UNC13C: variants seen among roughly 807,000 people sequenced by gnomAD.
UNC13C encodes the protein protein unc-13 homolog C.
Under a neutral mutation model 245.4 loss-of-function variants are expected in UNC13C, and 174 were observed. The ratio of observed to expected loss-of-function variants is 0.71; its 90% confidence interval spans 0.63 to 0.80. The LOEUF is 0.80. Among genes scored for constraint, UNC13C ranks in the 30% least tolerant of loss-of-function variants. The probability of loss-of-function intolerance (pLI) is 0.00; values close to 1 mark genes in which losing one functional copy is unlikely to be tolerated. For synonymous variants in UNC13C, 992 were observed against 895.1 expected, an observed-to-expected ratio of 1.11 and a Z score of -1.93; for missense variants, 2,829 against 2,602.9, an observed-to-expected ratio of 1.09 and a Z score of -1.89.
the UNC13C span, chr15:53,972,867 T>C: frequency 6.6e-6 from 1 of 152,216 alleles, no homozygotes; most frequent in Non-Finnish European, 1.5e-5. Context: ...CATACGTATT[T>C]AAGACATTCA....
chr15:54,579,113 G>A (rs1043926106), intron 30 of UNC13C, among the ~76,000 whole-genome samples: 2 of 152,068 alleles, frequency 1.3e-5, no homozygotes, highest in South Asian at 2.1e-4. Context: ...GATGTAGTTC[G>A]GCAGTAAAAT....
the UNC13C span, among the ~76,000 whole-genome samples, chr15:53,958,732 T>C: frequency 0.15 from 22,553 of 152,222 alleles, 2,590 homozygotes; most frequent in African/African-American, 0.32. Context: ...GATACCCTTA[T>C]GCTATGTATA....
chr15:54,224,542 G>A (rs549534180), intron 4 of UNC13C, among the ~76,000 whole-genome samples: 2 of 152,166 alleles, frequency 1.3e-5, no homozygotes, highest in Middle Eastern at 3.4e-3. Flanking sequence ...CTAGTATTTT[G>A]TTAAGGATAT....
intron 17 of UNC13C, among the ~76,000 whole-genome samples, chr15:54,388,178 T>C (rs578212708): frequency 3.3e-5 from 5 of 152,302 alleles, no homozygotes; most frequent in Admixed American, 1.3e-4. Flanking sequence ...ATCTGTTTCT[T>C]CACCTTCCCT....
intron 17 of UNC13C, among the ~76,000 whole-genome samples, chr15:54,342,547 C>A (rs1051622458): frequency 5.4e-5 from 8 of 148,878 alleles, no homozygotes; most frequent in Admixed American, 1.4e-4. Context: ...GGTGACACAG[C>A]AAGACCCTAT....
chr15:54,497,485 A>G lies in UNC13C; in HGVS notation c.5061-2594A>G, dbSNP rs28502057. On this transcript the variant is annotated intron_variant, in intron 20 of 32. Transcript: ENST00000260323. ...CCAGAGAAAAGGAAACCACAGAGATATGAGTCCAACATGCTACAGGCAGTT... is the reference window on the plus strand; with the variant it reads ...CCAGAGAAAAGGAAACCACAGAGATGTGAGTCCAACATGCTACAGGCAGTT... Among the ~76,000 whole-genome samples, 1,310 of 152,238 alleles carry G rather than the reference A, an allele frequency of 8.6e-3. 21 individuals carry two copies. The highest frequency in any genetic ancestry group is 0.03 in the African/African-American group (1,243 of 41,548).
At chr15:54,551,122 A>G (rs1896716832) in intron 28 of UNC13C, among the ~76,000 whole-genome samples, 1 of 152,126 alleles carries the variant, frequency 6.6e-6, no homozygotes, top group Non-Finnish European at 1.5e-5. Flanking sequence ...CTGCTTGATT[A>G]GGGATTCAAA....
chr15:54,371,549 A>G (rs2039487366), intron 17 of UNC13C, among the ~76,000 whole-genome samples: 1 of 152,194 alleles, frequency 6.6e-6, no homozygotes, highest in South Asian at 2.1e-4. Flanking sequence ...TATTGTGGTT[A>G]AGAAACTTTA....
At chr15:53,920,683 C>T in the UNC13C span, among the ~76,000 whole-genome samples, 5 of 151,946 alleles carry the variant, frequency 3.3e-5, no homozygotes, top group African/African-American at 4.8e-5. Context: ...GAGGAGGTTA[C>T]GAAGCATAGC....
At chr15:54,250,192 G>T in intron 7 of UNC13C, 33 bp from the exon 8 acceptor site, 1 of 1,580,736 alleles carries the variant, frequency 6.3e-7, no homozygotes. Flanking sequence ...CACTGACTTG[G>T]CGGTGCATTG....
chr15:54,537,195 A>G (rs1896022831), intron 26 of UNC13C, among the ~76,000 whole-genome samples: 1 of 152,112 alleles, frequency 6.6e-6, no homozygotes, highest in African/African-American at 2.4e-5. Context: ...ATCCAAACTG[A>G]GAGCCAAATC....
chr15:54,160,142 CAG>C (rs1283345475), intron 4 of UNC13C, among the ~76,000 whole-genome samples: 2 of 151,780 alleles, frequency 1.3e-5, no homozygotes, highest in Admixed American at 1.3e-4. Flanking sequence ...GCTACTCTGT[CAG>C]AATAAATAAT....
At chr15:54,396,804 T>A (rs1453812400) in intron 18 of UNC13C, among the ~76,000 whole-genome samples, 1 of 151,394 alleles carries the variant, frequency 6.6e-6, no homozygotes, top group Non-Finnish European at 1.5e-5. Context: ...ATCTGAATAT[T>A]TGAAATTCAT....
At chr15:53,955,163 C>T in the UNC13C span, among the ~76,000 whole-genome samples, 1 of 152,018 alleles carries the variant, frequency 6.6e-6, no homozygotes, top group East Asian at 1.9e-4. Flanking sequence ...ATAATATCTT[C>T]AATTATCTAT....
intron 19 of UNC13C, among the ~76,000 whole-genome samples, chr15:54,417,869 A>G (rs1359456076): frequency 6.6e-6 from 1 of 152,144 alleles, no homozygotes; most frequent in Admixed American, 6.6e-5. Context: ...ATTTTCATTT[A>G]TATTAGAGCC....
At chr15:54,416,886 T>C (rs776459906) in intron 19 of UNC13C, 1 of 456,522 alleles carries the variant, frequency 2.2e-6, no homozygotes, top group South Asian at 1.5e-5. Flanking sequence ...TTCGCTACAG[T>C]AAAAGTTTAT....
At chr15:53,982,906 T>G (rs927382030) in intron 1 of UNC13C, among the ~76,000 whole-genome samples, 1 of 152,164 alleles carries the variant, frequency 6.6e-6, no homozygotes, top group Non-Finnish European at 1.5e-5. Flanking sequence ...CAGAATTACT[T>G]GACTCTGACT....
intron 4 of UNC13C, among the ~76,000 whole-genome samples, chr15:54,159,820 T>C (rs2032901443): frequency 6.6e-6 from 1 of 152,192 alleles, no homozygotes; most frequent in Non-Finnish European, 1.5e-5. Flanking sequence ...TTCAAATACC[T>C]GCAGGATATT....
At chr15:54,405,968 A>G (rs2140936748) in intron 18 of UNC13C, among the ~76,000 whole-genome samples, 1 of 141,792 alleles carries the variant, frequency 7.1e-6, no homozygotes, top group Non-Finnish European at 1.5e-5. Flanking sequence ...AGTTTACAGT[A>G]AAGAGATGCT....
Sources: gnomAD v4.1 joint callset for allele counts (sites outside exome capture counted in the v4.1 genomes callset) on GRCh38, gnomAD v4.1.1 for gene constraint, MANE v1.5 for transcripts, NCBI Gene and HGNC (gene_info 2026-07-23, HGNC 2026-07-21) for gene names.